PLXND1: variants seen among roughly 807,000 people sequenced by gnomAD.
The protein encoded by PLXND1 is plexin-D1.
PLXND1 carries 54 observed loss-of-function variants against 197.7 expected under a neutral mutation model. The ratio of observed to expected loss-of-function variants is 0.27; its 90% confidence interval spans 0.22 to 0.34. The LOEUF (loss-of-function observed/expected upper bound fraction) is 0.34, where lower values mean the gene tolerates loss of function less well. PLXND1 is among the 10% of genes least tolerant of loss of function. PLXND1 has a pLI of 1.00. For synonymous variants in PLXND1, 1,180 were observed against 1,161.2 expected (o/e 1.02, Z -0.33); for missense variants, 2,127 against 2,699.2 (o/e 0.79, Z 4.70).
At position 129,606,381 on chromosome 3, in the gene PLXND1, G is replaced by T. The variant is rs1389364359; in HGVS notation, c.259C>A (p.Leu87Met). The T allele has an allele frequency of 6.6e-7, 1 of 1,510,218 alleles. No homozygotes were observed. 93.6% of individuals were successfully genotyped at this position (1,510,218 alleles called of 1,614,324 possible). Residue 87 changes from leucine to methionine, a missense_variant, in exon 1 of 36, where the codon CTG becomes ATG. By Grantham distance (15) the Leu-to-Met change is conservative. Around this residue, in one of 6 missense-constraint regions of PLXND1, gnomAD observed 245 missense variants for 267.1 expected, o/e 0.92. Coordinates refer to ENST00000324093, the MANE Select transcript of PLXND1 (RefSeq NM_015103.3). Reference sequence around the variant, plus strand: ...ACGGCCGCCTCGGCCTCCAGGCTCAGGTTGGCGCCCGACAGCTGATAGAGG... The same window carrying T: ...ACGGCCGCCTCGGCCTCCAGGCTCATGTTGGCGCCCGACAGCTGATAGAGG... ...NRLYQLSGANLSLEAEAAVGP... is the reference protein window; with the variant it reads ...NRLYQLSGANMSLEAEAAVGP...
chr3:129,575,961 C>A, intron 9 of PLXND1, 106 bp from the exon 10 acceptor site: 1 of 713,662 alleles, frequency 1.4e-6, no homozygotes, highest in Non-Finnish European at 2.5e-6. Flanking sequence ...GAAAGGTGGG[C>A]TTGGTCGAAC....
chr3:129,574,493 G>A lies in PLXND1; in HGVS notation c.2531-3C>T, dbSNP rs760023724. On this transcript the variant is annotated splice_region_variant and splice_polypyrimidine_tract_variant and intron_variant, in intron 11 of 35. Coordinates refer to ENST00000324093, the MANE Select transcript of PLXND1 (RefSeq NM_015103.3). ...CATGGCACAGTTATAGACCATGACT[G>A]GGGAGACACGGGGCAGCTCGGTCAG... The A allele has an allele frequency of 6.2e-7, 1 of 1,611,636 alleles. No individual in the cohort carries two copies. The highest frequency in any genetic ancestry group is 1.1e-5 in the South Asian group (1 of 90,946).
At chr3:129,599,020 C>T (rs2085667717) in intron 1 of PLXND1, among the ~76,000 whole-genome samples, 2 of 152,180 alleles carry the variant, frequency 1.3e-5, no homozygotes, top group Admixed American at 6.5e-5. Context: ...GTTCTGGTGT[C>T]AGAGGGAAGG....
In PLXND1 at chr3:129,572,686, G is replaced by A. The variant is rs1294443260; in HGVS notation, c.3000C>T (p.Thr1000=). 2 of 1,605,740 alleles carry A rather than the reference G, an allele frequency of 1.2e-6. No individual in the cohort carries two copies. Among genetic ancestry groups the A allele is most frequent in the Admixed American group, 3.4e-5 (2 of 59,180 alleles). Residue 1000 remains threonine, a synonymous_variant, in exon 15 of 36, where the codon ACC becomes ACT. Coordinates refer to ENST00000324093, the MANE Select transcript of PLXND1 (RefSeq NM_015103.3). ...CTACATGGAGGTCATTCCCATGGAT[G>A]GTGATCCTGGTGCCCCCGGCCTTGG... ...MGPKAGGTRI[T]IHGNDLHVGS...
At chr3:129,576,815 G>T (rs1221635473) in intron 9 of PLXND1, among the ~76,000 whole-genome samples, 2 of 152,200 alleles carry the variant, frequency 1.3e-5, no homozygotes, top group Non-Finnish European at 2.9e-5. Flanking sequence ...GCTATCATTA[G>T]TATGCAGGAG....
intron 1 of PLXND1, among the ~76,000 whole-genome samples, chr3:129,600,767 TA>T (rs2085695898): frequency 6.6e-6 from 1 of 151,728 alleles, no homozygotes; most frequent in South Asian, 2.1e-4. Context: ...AACCCAAATG[TA>T]AAGCCCATCT....
chr3:129,586,255 G>T lies in PLXND1; in HGVS notation c.1638C>A (p.Val546=), dbSNP rs530206071. Residue 546 remains valine (V), a synonymous_variant, in exon 4 of 36, where the codon GTC becomes GTA. Coordinates refer to ENST00000324093, the MANE Select transcript of PLXND1 (RefSeq NM_015103.3). ...AGGTGGAGTGCACGTTGCAGGCGGCGACCTTCACCCTGGCCATCTGGGGGC... is the reference window on the plus strand; with the variant it reads ...AGGTGGAGTGCACGTTGCAGGCGGCTACCTTCACCCTGGCCATCTGGGGGC... The part of the protein sequence containing the change: ...MTSHQMARVK[V]AACNVHSTCG... 6.3e-7 allele frequency: 1 copy of T among 1,583,076 alleles called. No homozygotes were observed. The highest frequency in any genetic ancestry group is 1.3e-5 in the African/African-American group (1 of 74,440).
In PLXND1 at chr3:129,584,472, G is replaced by A. The variant is rs199925518; in HGVS notation, c.1942C>T (p.Arg648Trp). The change falls in exon 6 of 36, where the codon CGG becomes TGG. Residue 648 changes from arginine (R) to tryptophan (W), a missense_variant. Physicochemically the swap from Arg to Trp is moderately radical, Grantham distance 101. Around this residue, in one of 6 missense-constraint regions of PLXND1, gnomAD observed 1,095 missense variants for 1,259.8 expected, o/e 0.87. Transcript: ENST00000324093. ...DYGNNIRTVA[R>W]VPGPAFGHQI... ...TGACCAAAGGCAGGGCCTGGGACCC[G>A]AGCCACAGTGCGGATGTTGTTCCCA... The A allele has an allele frequency of 2.0e-5, 32 of 1,613,876 alleles. No homozygotes were observed. Among genetic ancestry groups the A allele is most frequent in the African/African-American group, 2.7e-5 (2 of 74,942 alleles).
chr3:129,571,744 T>C lies in PLXND1; in HGVS notation c.3178A>G (p.Asn1060Asp). ...RFERRGCVHG[N>D]LTFWYMQNPV... ...TTCTGCATGTACCAGAAGGTGAGGT[T>C]GCCGTGCACGCAGCCCCGACGCTCG... The change falls in exon 16 of 36, where the codon AAC becomes GAC. Residue 1060 changes from asparagine to aspartate, a missense_variant. Coordinates refer to ENST00000324093, the MANE Select transcript of PLXND1 (RefSeq NM_015103.3). 5.0e-6 allele frequency: 8 copies of C among 1,613,500 alleles called. No individual in the cohort carries two copies. The highest frequency in any genetic ancestry group is 6.8e-6 in the Non-Finnish European group (8 of 1,179,952).
chr3:129,579,150 G>A (rs1400235500), intron 8 of PLXND1, among the ~76,000 whole-genome samples: 4 of 151,800 alleles, frequency 2.6e-5, no homozygotes, highest in East Asian at 1.9e-4. Flanking sequence ...TTCATGGAAC[G>A]AAAGAAGGAG....
chr3:129,577,611 A>G lies in PLXND1; in HGVS notation c.2346+718T>C, dbSNP rs1016706691. The stretch of plus-strand genomic sequence containing the variant: ...CTCAGCTCCTCCATGGAAGTAACAG[A>G]TGGCGAGTTCCAGGGAGGTGGGGAG... On this transcript the variant is annotated intron_variant, in intron 9 of 35. Transcript: ENST00000324093. This position sits in a 1 kb window ranked among gnomAD's most constrained non-coding sequence, Gnocchi z 5.0. 6.6e-6 allele frequency among the ~76,000 whole-genome samples: 1 copy of G among 152,012 alleles called. No individual in the cohort carries two copies. Among genetic ancestry groups the G allele is most frequent in the Admixed American group, 6.5e-5 (1 of 15,274 alleles).
rs1342533135 is a variant in PLXND1, at chr3:129,573,566, G to A, written c.2837+28C>T. ...AGCAGAGGCTGGCACTGCTGGAGAAGGTAGGTGGGGGCACCGTGGCTACTC... is the reference window on the plus strand; with the variant it reads ...AGCAGAGGCTGGCACTGCTGGAGAAAGTAGGTGGGGGCACCGTGGCTACTC... On this transcript the variant is annotated intron_variant, in intron 13 of 35. Transcript: ENST00000324093. 3 of 1,603,144 alleles carry A rather than the reference G, an allele frequency of 1.9e-6. No individual in the cohort carries two copies. The Admixed American group carries it at 5.0e-5, about 27-fold the overall frequency.
chr3:129,578,646 T>G, intron 8 of PLXND1: 1 of 546,420 alleles, frequency 1.8e-6, no homozygotes, highest in Non-Finnish European at 3.2e-6. Context: ...TGTTTAAAGA[T>G]GAGGAAGGTG....
intron 31 of PLXND1, 47 bp from the exon 32 acceptor site, chr3:129,559,830 A>C (rs2085031848): frequency 6.7e-7 from 1 of 1,499,436 alleles, no homozygotes; most frequent in Non-Finnish European, 9.0e-7. Flanking sequence ...CCACGTGCAG[A>C]GGGCTAGTGG....
At chr3:129,587,839 C>T (rs1233540157) in intron 2 of PLXND1, among the ~76,000 whole-genome samples, 1 of 152,234 alleles carries the variant, frequency 6.6e-6, no homozygotes, top group East Asian at 1.9e-4. Flanking sequence ...ACACATGAGG[C>T]CCAGAAGCCT....
At chr3:129,600,049 G>A (rs756977143) in intron 1 of PLXND1, among the ~76,000 whole-genome samples, 2 of 152,220 alleles carry the variant, frequency 1.3e-5, no homozygotes, top group Non-Finnish European at 2.9e-5. Flanking sequence ...CGAGCTCGGC[G>A]ACGGTTTTTA....
At chr3:129,562,647 C>A in intron 27 of PLXND1, 140 bp downstream of exon 27, 1 of 716,458 alleles carries the variant, frequency 1.4e-6, no homozygotes. Flanking sequence ...GAGCTTCTTG[C>A]TGAGGGGGCC....
At chr3:129,583,300 G>T (rs993386700) in intron 8 of PLXND1, among the ~76,000 whole-genome samples, 3 of 152,114 alleles carry the variant, frequency 2.0e-5, no homozygotes, top group Non-Finnish European at 4.4e-5. Flanking sequence ...AGCCCAACAG[G>T]TCATTTCTAA....
chr3:129,606,037 G>T lies in PLXND1; in HGVS notation c.603C>A (p.Gly201=). Residue 201 remains glycine (G), a synonymous_variant, in exon 1 of 36, where the codon GGC becomes GGA. Transcript: ENST00000324093. Reference sequence around the variant, plus strand: ...CCACGAGCAGGCGGCTGCCCCCCGCGCCCGCGGCGGGAGGCAGAACTAGCC... The same window carrying T: ...CCACGAGCAGGCGGCTGCCCCCCGCTCCCGCGGCGGGAGGCAGAACTAGCC... The part of the protein sequence containing the change: ...TVGLVLPPAA[G]AGGSRLLVGA... 6.3e-7 allele frequency: 1 copy of T among 1,595,616 alleles called. No homozygotes were observed. Among genetic ancestry groups the T allele is most frequent in the South Asian group, 1.1e-5 (1 of 89,754 alleles).
Sources: gnomAD v4.1 joint callset for allele counts (sites outside exome capture counted in the v4.1 genomes callset) on GRCh38, gnomAD v4.1.1 for gene constraint, gnomAD v4.1.1 regional missense constraint, Gnocchi (gnomAD v3.1) non-coding constraint, MANE v1.5 for transcripts, NCBI Gene and HGNC (gene_info 2026-07-23, HGNC 2026-07-21) for gene names.